The following KIFC1 variants were observed in gnomAD, a reference collection of about 807,000 sequenced individuals.
KIFC1 encodes the protein kinesin-like protein KIFC1.
Under a neutral mutation model 66.6 loss-of-function variants are expected in KIFC1, and 37 were observed. The observed-to-expected ratio is 0.56, with a 90% confidence interval of 0.43 to 0.73. The LOEUF (loss-of-function observed/expected upper bound fraction) is 0.73, where lower values mean the gene tolerates loss of function less well. Ranked by LOEUF, KIFC1 falls within the 30% of genes least tolerant of loss-of-function variation. The pLI is 0.00. For synonymous variants in KIFC1, 325 were observed against 343.5 expected (o/e 0.95, Z 0.60); for missense variants, 721 against 859.8 (o/e 0.84, Z 2.02).
chr6:33,405,750 G>T lies in KIFC1; in HGVS notation c.1536+119G>T. 1 of 1,134,324 alleles carries T rather than the reference G, an allele frequency of 8.8e-7. No individual in the cohort carries two copies. The highest frequency in any genetic ancestry group is 1.2e-6 in the Non-Finnish European group (1 of 839,902). The allele number at this position is 1,134,324 out of a possible 1,614,324, so 70.3% of individuals were successfully genotyped here. Reference sequence around the variant, plus strand: ...TGAAGGATGAAGTGCAAGTTATCAGGCTGGGTTACCACATCCGGTTTTGGC... The same window carrying T: ...TGAAGGATGAAGTGCAAGTTATCAGTCTGGGTTACCACATCCGGTTTTGGC... On this transcript the variant is annotated intron_variant, in intron 7 of 10. Coordinates refer to ENST00000428849, the MANE Select transcript of KIFC1 (RefSeq NM_002263.4). This position sits in a 1 kb window ranked among gnomAD's most constrained non-coding sequence, Gnocchi z 5.4.
At chr6:33,398,202 G>C (rs1478275967) in intron 2 of KIFC1, 36 bp downstream of exon 2, 1 of 1,613,736 alleles carries the variant, frequency 6.2e-7, no homozygotes, top group African/African-American at 1.3e-5. Context: ...ATGTGTGTGG[G>C]GGGTGTGTGT....
At position 33,404,013 on chromosome 6, in the gene KIFC1, C is replaced by T. The variant is rs936348307; in HGVS notation, c.640C>T (p.Leu214=). 6.2e-7 allele frequency: 1 copy of T among 1,614,206 alleles called. No individual in the cohort carries two copies. Among genetic ancestry groups the T allele is most frequent in the Non-Finnish European group, 8.5e-7 (1 of 1,180,034 alleles). The part of the protein sequence containing the change: ...QELKNLRACV[L]ELEERLSTQE... ...GCTGAAGAACTTGCGTGCTTGTGTC[C>T]TGGAGCTGGAAGAGCGGCTGAGCAC... Residue 214 remains leucine, a synonymous_variant, in exon 6 of 11, where the codon CTG becomes TTG. Transcript: ENST00000428849. This position sits in a 1 kb window ranked among gnomAD's most constrained non-coding sequence, Gnocchi z 4.0.
Position 33,405,145 on chromosome 6 carries a change from C to T in KIFC1, c.1050C>T (p.Leu350=). Residue 350 remains leucine (L), a synonymous_variant, in exon 7 of 11, where the codon CTC becomes CTT. Transcript: ENST00000428849. This position sits in a 1 kb window ranked among gnomAD's most constrained non-coding sequence, Gnocchi z 5.4. ...GPSDPPTRLS[L]SRSDERRGTL... The stretch of plus-strand genomic sequence containing the variant: ...CTGATCCTCCAACCCGCCTTAGCCT[C>T]TCCCGGTCTGACGAGCGGCGTGGGA... 3 of 1,614,168 alleles carry T rather than the reference C, an allele frequency of 1.9e-6. No homozygotes were observed. The highest frequency in any genetic ancestry group is 2.5e-6 in the Non-Finnish European group (3 of 1,180,042).
chr6:33,396,436 CTTTTTTTTTTT>C (rs199749552), intron 1 of KIFC1, among the ~76,000 whole-genome samples: 1 of 116,258 alleles, frequency 8.6e-6, no homozygotes, highest in Non-Finnish European at 1.7e-5. Flanking sequence ...CTTTTCTTTT[CTTTTTTTTTTT>C]TTTTTTTTGA....
chr6:33,399,992 C>CT (rs1459635784), intron 3 of KIFC1: 11 of 593,258 alleles, frequency 1.9e-5, no homozygotes, highest in South Asian at 6.3e-5. Context: ...ACATTTTAAT[C>CT]TTTTTTTAAC....
In KIFC1 at chr6:33,403,496, C is replaced by G; in HGVS notation, c.316C>G (p.Gln106Glu). Reference protein sequence around the residue: ...STAIATGLKNQKPVPAVPVQK... With the variant: ...STAIATGLKNEKPVPAVPVQK... The stretch of plus-strand genomic sequence containing the variant: ...CCTCAATTCTGTAGGGTTGAAGAAC[C>G]AGAAGCCAGTTCCTGCTGTTCCTGT... Residue 106 changes from glutamine (Q) to glutamate (E), a missense_variant, in exon 5 of 11, where the codon CAG becomes GAG. Physicochemically the swap from Gln to Glu is conservative, Grantham distance 29. Transcript: ENST00000428849. The surrounding 1 kb of genome is among the most constrained non-coding windows in gnomAD (Gnocchi z 4.6). 1 of 1,614,164 alleles carries G rather than the reference C, an allele frequency of 6.2e-7. No homozygotes were observed. The highest frequency in any genetic ancestry group is 8.5e-7 in the Non-Finnish European group (1 of 1,180,008).
At position 33,401,459 on chromosome 6, in the gene KIFC1, T is replaced by C. The variant is rs1775369497; in HGVS notation, c.251-1855T>C. On this transcript the variant is annotated intron_variant, in intron 3 of 10. Coordinates refer to ENST00000428849, the MANE Select transcript of KIFC1 (RefSeq NM_002263.4). The surrounding 1 kb of genome is among the most constrained non-coding windows in gnomAD (Gnocchi z 4.5). ...TGAAATTCTTTTTTTAATTTAAAAT[T>C]TTATTTATTTGTATTTTTTCCAAGA... Among the ~76,000 whole-genome samples the C allele has an allele frequency of 6.6e-6, 1 of 152,100 alleles. No individual in the cohort carries two copies. Among genetic ancestry groups the C allele is most frequent in the Non-Finnish European group, 1.5e-5 (1 of 68,018 alleles).
In KIFC1 at chr6:33,406,327, G is replaced by GT. The variant is rs1360609017; in HGVS notation, c.1669dup (p.Cys557LeufsTer14). On this transcript the variant is annotated frameshift_variant, in exon 8 of 11. Transcript: ENST00000428849. LOFTEE classifies it high-confidence loss of function. This position sits in a 1 kb window ranked among gnomAD's most constrained non-coding sequence, Gnocchi z 4.5. ...GGGAGCACTCCAGCCGAGGCCTGCA[G>GT]TGTGGGGCCCCCCTCAGTCTTGTGG... The GT allele has an allele frequency of 1.9e-6, 3 of 1,614,146 alleles. No homozygotes were observed. In the African/African-American group the frequency reaches 4.0e-5, roughly 22 times the overall value.
Position 33,400,420 on chromosome 6 carries a change from A to G in KIFC1, c.250+2033A>G, listed in dbSNP as rs1305161594. On this transcript the variant is annotated intron_variant, in intron 3 of 10. Transcript: ENST00000428849. This position sits in a 1 kb window ranked among gnomAD's most constrained non-coding sequence, Gnocchi z 4.3. ...CTTCCAGTCACCCGTTGCCTTGGCA[A>G]TGTCATCACCAACCTTTTTTGGAGA... The G allele has an allele frequency of 1.2e-6, 2 of 1,602,986 alleles. No homozygotes were observed. Among genetic ancestry groups the G allele is most frequent in the Non-Finnish European group, 1.7e-6 (2 of 1,175,128 alleles).
Position 33,406,617 on chromosome 6 carries a change from G to A in KIFC1, c.1853G>A (p.Ser618Asn). Reference sequence around the variant, plus strand: ...GAGTCCCACGTGCCTTACCGGAACAGCAAACTGACCTACCTGCTGCAGAAC... The same window carrying A: ...GAGTCCCACGTGCCTTACCGGAACAACAAACTGACCTACCTGCTGCAGAAC... ...NKESHVPYRN[S>N]KLTYLLQNSL... The change falls in exon 9 of 11, where the codon AGC (serine) becomes AAC (asparagine). Residue 618 changes from serine to asparagine, a missense_variant. Physicochemically the swap from Ser to Asn is conservative, Grantham distance 46. Transcript: ENST00000428849. The surrounding 1 kb of genome is among the most constrained non-coding windows in gnomAD (Gnocchi z 4.5). The A allele has an allele frequency of 6.2e-7, 1 of 1,614,118 alleles. No individual in the cohort carries two copies. The highest frequency in any genetic ancestry group is 8.5e-7 in the Non-Finnish European group (1 of 1,180,006).
intron 1 of KIFC1, among the ~76,000 whole-genome samples, chr6:33,395,779 G>A (rs1468447142): frequency 5.9e-5 from 9 of 152,090 alleles, no homozygotes; most frequent in Non-Finnish European, 8.8e-5. Flanking sequence ...TTTGACTTTG[G>A]AATACTTAAA....
At chr6:33,402,649 G>A (rs1436100112) in intron 3 of KIFC1, among the ~76,000 whole-genome samples, 1 of 151,834 alleles carries the variant, frequency 6.6e-6, no homozygotes, top group African/African-American at 2.4e-5. Context: ...AGAATTGCTT[G>A]AACCCTGGAG....
chr6:33,395,678 C>T (rs1270736040), intron 1 of KIFC1, among the ~76,000 whole-genome samples: 7 of 152,070 alleles, frequency 4.6e-5, no homozygotes, highest in Admixed American at 6.6e-5. Context: ...TTTTCTGAAC[C>T]GGCATAAATT....
chr6:33,401,227 T>C lies in KIFC1; in HGVS notation c.251-2087T>C, dbSNP rs1367843236. On this transcript the variant is annotated intron_variant, in intron 3 of 10. Transcript: ENST00000428849. The surrounding 1 kb of genome is among the most constrained non-coding windows in gnomAD (Gnocchi z 4.5). The stretch of plus-strand genomic sequence containing the variant: ...TCGGCTCAGTGTAACCTCCGCCTCC[T>C]GGGTTCAAGTGATTCTCCTGCCTCA... Among the ~76,000 whole-genome samples the C allele has an allele frequency of 6.6e-6, 1 of 151,974 alleles. No individual in the cohort carries two copies. Among genetic ancestry groups the C allele is most frequent in the African/African-American group, 2.4e-5 (1 of 41,380 alleles).
rs1775695855 is a variant in KIFC1 at position 33,406,963 on chromosome 6, A to G, written c.1977+88A>G. ...ATCCCTTTTGTCTTCTAGGGCAGGG[A>G]GCACATTTGTGCAGAAAGGTTTTGC... is the stretch of plus-strand genomic sequence containing the variant. On this transcript the variant is annotated intron_variant, in intron 10 of 10. Transcript: ENST00000428849. This position sits in a 1 kb window ranked among gnomAD's most constrained non-coding sequence, Gnocchi z 4.5. 1.3e-6 allele frequency: 2 copies of G among 1,574,050 alleles called. No homozygotes were observed. Among genetic ancestry groups the G allele is most frequent in the Non-Finnish European group, 1.7e-6 (2 of 1,158,482 alleles).
In KIFC1 at chr6:33,391,917, G is replaced by T. The variant is rs1464693991; in HGVS notation, c.-69G>T. On this transcript the variant is annotated 5_prime_UTR_variant, in exon 1 of 11. Coordinates refer to ENST00000428849, the MANE Select transcript of KIFC1 (RefSeq NM_002263.4). ...TTCGCGAGCGGGCGAGAGAACGCGA[G>T]TCCCAGGATCCCCGGCACCCAGTTC... 1 of 1,596,648 alleles carries T rather than the reference G, an allele frequency of 6.3e-7. No homozygotes were observed. The highest frequency in any genetic ancestry group is 1.3e-5 in the African/African-American group (1 of 74,680).
chr6:33,404,255 G>A lies in KIFC1; in HGVS notation c.756+126G>A. Reference sequence around the variant, plus strand: ...TGAGCACCTATCTTTAGCAGTATAGGTGCTGCTGAAGATACCTCTCTCTTG... The same window carrying A: ...TGAGCACCTATCTTTAGCAGTATAGATGCTGCTGAAGATACCTCTCTCTTG... On this transcript the variant is annotated intron_variant, in intron 6 of 10. Coordinates refer to ENST00000428849, the MANE Select transcript of KIFC1 (RefSeq NM_002263.4). The surrounding 1 kb of genome is among the most constrained non-coding windows in gnomAD (Gnocchi z 4.0). The A allele has an allele frequency of 3.4e-6, 3 of 888,524 alleles. No individual in the cohort carries two copies. The highest frequency in any genetic ancestry group is 1.7e-5 in the South Asian group (1 of 57,724). The allele number at this position is 888,524 out of a possible 1,614,324, so 55.0% of individuals were successfully genotyped here.
rs554923842 is a variant in KIFC1 at position 33,403,378 on chromosome 6, T to C, written c.304+11T>C. The stretch of plus-strand genomic sequence containing the variant: ...CAGCTATTGCCACAGGTAACTGTGC[T>C]CAAGAGCTGGGTCTGAGAAGGGATT... On this transcript the variant is annotated intron_variant, in intron 4 of 10. Coordinates refer to ENST00000428849, the MANE Select transcript of KIFC1 (RefSeq NM_002263.4). This position sits in a 1 kb window ranked among gnomAD's most constrained non-coding sequence, Gnocchi z 4.6. 7.2e-5 allele frequency: 117 copies of C among 1,613,938 alleles called. No homozygotes were observed. In the South Asian group the frequency reaches 1.1e-3, roughly 15 times the overall value.
Position 33,404,251 on chromosome 6 carries a change from A to G in KIFC1, c.756+122A>G, listed in dbSNP as rs1361277220. The G allele has an allele frequency of 1.2e-5, 11 of 914,852 alleles. No individual in the cohort carries two copies. Among genetic ancestry groups the G allele is most frequent in the Non-Finnish European group, 1.8e-5 (11 of 614,840 alleles). The allele number at this position is 914,852 out of a possible 1,614,324, so 56.7% of individuals were successfully genotyped here. A position where few individuals can be genotyped will look rare whatever the true frequency, so the allele number is the denominator to read the frequency against. On this transcript the variant is annotated intron_variant, in intron 6 of 10. Coordinates refer to ENST00000428849, the MANE Select transcript of KIFC1 (RefSeq NM_002263.4). This position sits in a 1 kb window ranked among gnomAD's most constrained non-coding sequence, Gnocchi z 4.0. ...CTCCTGAGCACCTATCTTTAGCAGT[A>G]TAGGTGCTGCTGAAGATACCTCTCT...
Sources: gnomAD v4.1 joint callset for allele counts (sites outside exome capture counted in the v4.1 genomes callset) on GRCh38, gnomAD v4.1.1 for gene constraint, Gnocchi (gnomAD v3.1) non-coding constraint, MANE v1.5 for transcripts, NCBI Gene and HGNC (gene_info 2026-07-23, HGNC 2026-07-21) for gene names.